The following EXOC4 variants were observed in gnomAD, a reference collection of about 807,000 sequenced individuals.
EXOC4 encodes SEC8-like 1.
Under a neutral mutation model 107.2 loss-of-function variants are expected in EXOC4, and 71 were observed. That is an observed-to-expected ratio of 0.66 (90% CI 0.55 to 0.81). The LOEUF is 0.81. Ranked by LOEUF, EXOC4 falls within the 30% of genes least tolerant of loss-of-function variation. The probability of loss-of-function intolerance (pLI) is 0.00; values close to 1 mark genes in which losing one functional copy is unlikely to be tolerated. For synonymous variants in EXOC4, 456 were observed against 441.2 expected (o/e 1.03, Z -0.42); for missense variants, 1,108 against 1,189.6 (o/e 0.93, Z 1.01).
intron 10 of EXOC4, among the ~76,000 whole-genome samples, chr7:133,693,644 A>G (rs1323238619): frequency 6.6e-6 from 1 of 152,192 alleles, no homozygotes; most frequent in South Asian, 2.1e-4. Context: ...TCTCTTGATA[A>G]TCACATGGAT....
In EXOC4 at chr7:133,841,762, A is replaced by C. The variant is rs565166584; in HGVS notation, c.1734+24218A>C. Among the ~76,000 whole-genome samples, 5 of 152,338 alleles carry C rather than the reference A, an allele frequency of 3.3e-5. No individual in the cohort carries two copies. The South Asian group carries it at 1.0e-3, about 32-fold the overall frequency. On this transcript the variant is annotated intron_variant, in intron 11 of 17. Coordinates refer to ENST00000253861, the MANE Select transcript of EXOC4 (RefSeq NM_021807.4). ...TGATATACAGATTATTTCATCACCC[A>C]CATAATAAGCATAGTACCCAATAGG...
intron 9 of EXOC4, among the ~76,000 whole-genome samples, chr7:133,564,784 G>A (rs1052378253): frequency 2.0e-5 from 3 of 152,138 alleles, no homozygotes; most frequent in African/African-American, 4.8e-5. Context: ...GAGACAAAAA[G>A]GAGACATCTT....
chr7:133,852,564 C>A (rs1054693077), intron 11 of EXOC4, among the ~76,000 whole-genome samples: 2 of 152,068 alleles, frequency 1.3e-5, no homozygotes, highest in Admixed American at 6.6e-5. Context: ...GTCTGCTAAT[C>A]CTGTAGGAAA....
At chr7:133,968,323 C>A (rs182331170) in intron 14 of EXOC4, among the ~76,000 whole-genome samples, 12 of 152,266 alleles carry the variant, frequency 7.9e-5, no homozygotes, top group Admixed American at 2.6e-4. Context: ...TTAAATGGGG[C>A]ATTTAGCCCA....
chr7:133,403,285 T>A (rs6978272), intron 7 of EXOC4, among the ~76,000 whole-genome samples: 26,044 of 152,100 alleles, frequency 0.17, 2,510 homozygotes, highest in African/African-American at 0.26. Flanking sequence ...TCCATAAGCA[T>A]TTGTCATCTT....
intron 7 of EXOC4, among the ~76,000 whole-genome samples, chr7:133,380,576 A>G (rs1458731705): frequency 1.3e-5 from 2 of 152,064 alleles, no homozygotes; most frequent in African/African-American, 4.8e-5. Context: ...TTTGGAAATG[A>G]CTTATTTTTA....
intron 17 of EXOC4, among the ~76,000 whole-genome samples, chr7:134,025,822 C>A (rs971517904): frequency 6.6e-6 from 1 of 152,150 alleles, no homozygotes; most frequent in Non-Finnish European, 1.5e-5. Context: ...AGACCCAGGA[C>A]GAGCATAGTA....
chr7:133,988,330 T>A lies in EXOC4; in HGVS notation c.2207-9162T>A, dbSNP rs554883735. On this transcript the variant is annotated intron_variant, in intron 14 of 17. Transcript: ENST00000253861. Reference sequence around the variant, plus strand: ...TCTCTCTAGATTATACTCAGAAAACTAAGGAGAAAGTTAGAGTTGTAAATG... The same window carrying A: ...TCTCTCTAGATTATACTCAGAAAACAAAGGAGAAAGTTAGAGTTGTAAATG... 7.8e-4 allele frequency among the ~76,000 whole-genome samples: 119 copies of A among 152,318 alleles called. 1 individual carries two copies. The highest frequency in any genetic ancestry group is 6.8e-3 in the Middle Eastern group (2 of 294).
At chr7:133,930,909 C>G (rs1261658134) in intron 13 of EXOC4, among the ~76,000 whole-genome samples, 1 of 151,694 alleles carries the variant, frequency 6.6e-6, no homozygotes, top group African/African-American at 2.4e-5. Context: ...ATATTTCTAC[C>G]CATTTTGTGG....
At chr7:133,458,904 C>T (rs1584933361) in intron 7 of EXOC4, among the ~76,000 whole-genome samples, 1 of 131,228 alleles carries the variant, frequency 7.6e-6, no homozygotes, top group East Asian at 2.8e-4. Flanking sequence ...ATATTCTCAA[C>T]TTCTGAAATT....
At chr7:133,869,403 C>G (rs144230313) in intron 11 of EXOC4, among the ~76,000 whole-genome samples, 4 of 152,226 alleles carry the variant, frequency 2.6e-5, no homozygotes, top group African/African-American at 9.6e-5. Context: ...TTCTGTAGCT[C>G]CCTGTCTTCA....
intron 15 of EXOC4, among the ~76,000 whole-genome samples, chr7:133,998,134 G>A (rs1306371942): frequency 1.3e-5 from 2 of 152,122 alleles, no homozygotes; most frequent in Non-Finnish European, 2.9e-5. Flanking sequence ...AGGGAAACAG[G>A]TAAAAGAATT....
intron 10 of EXOC4, among the ~76,000 whole-genome samples, chr7:133,639,075 A>G (rs928378123): frequency 5.3e-5 from 8 of 152,224 alleles, no homozygotes; most frequent in African/African-American, 1.9e-4. Flanking sequence ...CCACAGGGCC[A>G]TTTACATCTG....
intron 11 of EXOC4, among the ~76,000 whole-genome samples, chr7:133,880,592 A>G (rs1323172496): frequency 6.6e-6 from 1 of 152,208 alleles, no homozygotes; most frequent in Non-Finnish European, 1.5e-5. Context: ...AATATTAGCT[A>G]GGGAAAGAAA....
At chr7:133,480,246 A>G in intron 9 of EXOC4, 108 bp downstream of exon 9, 8 of 1,522,866 alleles carry the variant, frequency 5.3e-6, no homozygotes, top group Non-Finnish European at 7.1e-6. Context: ...GGTAACAAAC[A>G]CTTAGTGACT....
chr7:133,358,097 A>G (rs1796062263), intron 6 of EXOC4, among the ~76,000 whole-genome samples: 1 of 152,188 alleles, frequency 6.6e-6, no homozygotes, highest in African/African-American at 2.4e-5. Flanking sequence ...CTGAGGCACA[A>G]GAATTGCTTG....
At chr7:133,534,481 A>G (rs1294942079) in intron 9 of EXOC4, among the ~76,000 whole-genome samples, 1 of 152,182 alleles carries the variant, frequency 6.6e-6, no homozygotes, top group East Asian at 1.9e-4. Flanking sequence ...TGATTAGTAA[A>G]GAGGATGGAA....
chr7:133,537,287 A>C (rs1800288679), intron 9 of EXOC4, among the ~76,000 whole-genome samples: 1 of 144,418 alleles, frequency 6.9e-6, no homozygotes, highest in African/African-American at 2.7e-5. Context: ...GGTAGTTGGG[A>C]TTACAGGCAC....
Position 133,853,827 on chromosome 7 carries a change from G to A in EXOC4, c.1734+36283G>A, listed in dbSNP as rs115423398. ...CCCCTCTTCTGGACAGATTAAACCC[G>A]AGAAGAACTTGCTGGTTCCTGTAAG... On this transcript the variant is annotated intron_variant, in intron 11 of 17. Transcript: ENST00000253861. Among the ~76,000 whole-genome samples, 370 of 152,256 alleles carry A rather than the reference G, an allele frequency of 2.4e-3. 5 individuals carry two copies. The highest frequency in any genetic ancestry group is 8.2e-3 in the African/African-American group (342 of 41,550).
Sources: allele counts gnomAD v4.1 joint callset (sites outside exome capture counted in the v4.1 genomes callset), GRCh38; gene constraint gnomAD v4.1.1; transcripts MANE v1.5; gene names NCBI Gene and HGNC (gene_info 2026-07-23, HGNC 2026-07-21).